Variants in PTBP3 observed in about 807,000 individuals in gnomAD.
The protein encoded by PTBP3 is polypyrimidine tract binding protein 3.
Under a neutral mutation model 58.7 loss-of-function variants are expected in PTBP3, and 20 were observed. That is an observed-to-expected ratio of 0.34 (90% CI 0.24 to 0.50). PTBP3 has a LOEUF of 0.50. Ranked by LOEUF, PTBP3 falls within the 20% of genes least tolerant of loss-of-function variation. PTBP3 has a pLI of 0.98. For missense variants in PTBP3, 509 were observed against 637.2 expected (o/e 0.80, Z 2.17); for synonymous variants, 185 against 219.8 (o/e 0.84, Z 1.40).
chr9:112,252,418 T>C (rs1589825102), intron 6 of PTBP3: 1 of 436,080 alleles, frequency 2.3e-6, no homozygotes, highest in Admixed American at 4.0e-5. Flanking sequence ...TGTTCAATTC[T>C]AGACTTTAAA....
intron 6 of PTBP3, 40 bp from the exon 7 acceptor site, chr9:112,251,143 CAA>C (rs752388914): frequency 8.4e-5 from 119 of 1,421,378 alleles, no homozygotes; most frequent in Non-Finnish European, 1.0e-4. Context: ...GGCAAGACAA[CAA>C]CACTGATAAC....
Position 112,227,552 on chromosome 9 carries a change from T to C in PTBP3, c.1223A>G (p.Gln408Arg). Residue 408 changes from glutamine to arginine, a missense_variant, in exon 12 of 14, where the codon CAG becomes CGG. Transcript: ENST00000374257. ...GTCTTCTTGTCCCTCTCGAGGAAGC[T>C]GTACTGCTTGATGTTTGGACAGTGT... ...RATLSKHQAVQLPREGQEDQG... is the reference protein window; with the variant it reads ...RATLSKHQAVRLPREGQEDQG... 6.2e-7 allele frequency: 1 copy of C among 1,614,006 alleles called. No individual in the cohort carries two copies.
At chr9:112,346,618 T>C in the PTBP3 span, among the ~76,000 whole-genome samples, 1 of 152,262 alleles carries the variant, frequency 6.6e-6, no homozygotes, top group Non-Finnish European at 1.5e-5. Context: ...GGAAAACTTT[T>C]AAGGTTTTAG....
chr9:112,297,282 C>T (rs1487714119), intron 2 of PTBP3, among the ~76,000 whole-genome samples: 1 of 152,186 alleles, frequency 6.6e-6, no homozygotes, highest in Non-Finnish European at 1.5e-5. Flanking sequence ...CGGCTCCCTG[C>T]CACCTCCGCT....
intron 1 of PTBP3, among the ~76,000 whole-genome samples, chr9:112,322,482 T>C (rs953290600): frequency 2.6e-5 from 4 of 152,178 alleles, no homozygotes; most frequent in African/African-American, 9.6e-5. Flanking sequence ...AGGACTCTAG[T>C]ATAGCAAAGG....
chr9:112,320,291 A>AT (rs1554805667), intron 1 of PTBP3, among the ~76,000 whole-genome samples: 135 of 73,496 alleles, frequency 1.8e-3, no homozygotes, highest in Middle Eastern at 8.3e-3. Flanking sequence ...AAAAAAAAAA[A>AT]ATATATATAT....
chr9:112,268,223 A>G, intron 3 of PTBP3, 28 bp from the exon 4 acceptor site: 1 of 1,588,320 alleles, frequency 6.3e-7, no homozygotes, highest in South Asian at 1.2e-5. Context: ...AGGTAAAGTT[A>G]AAGCTCATCT....
rs14255 is a variant in PTBP3 at position 112,219,098 on chromosome 9, T to G, written c.*4753A>C. The G allele has an allele frequency of 0.85, 129,444 of 152,654 alleles. 55,314 individuals are homozygous for G. Among genetic ancestry groups the G allele is most frequent in the African/African-American group, 0.95 (39,584 of 41,524 alleles). The allele number at this position is 152,654 out of a possible 1,614,324, so 9.5% of individuals were successfully genotyped here. A position where few individuals can be genotyped will look rare whatever the true frequency, so the allele number is the denominator to read the frequency against. ...GAAAGTAAAGGCCGCTCTGCACTGGTTCTTCTTTCAGAAAGGAGCTTGGGG... is the reference window on the plus strand; with the variant it reads ...GAAAGTAAAGGCCGCTCTGCACTGGGTCTTCTTTCAGAAAGGAGCTTGGGG... On this transcript the variant is annotated 3_prime_UTR_variant, in exon 14 of 14. Transcript: ENST00000374257.
At chr9:112,328,987 T>G (rs1167311553) in intron 1 of PTBP3, among the ~76,000 whole-genome samples, 1 of 152,226 alleles carries the variant, frequency 6.6e-6, no homozygotes, top group Non-Finnish European at 1.5e-5. Flanking sequence ...ATTTGAACTG[T>G]AAGTGGCTTC....
In PTBP3 at chr9:112,223,466, G is replaced by A; in HGVS notation, c.*385C>T. The A allele has an allele frequency of 1.1e-6, 1 of 914,804 alleles. No homozygotes were observed. Among genetic ancestry groups the A allele is most frequent in the Non-Finnish European group, 1.3e-6 (1 of 762,860 alleles). The allele number at this position is 914,804 out of a possible 1,614,324, so 56.7% of individuals were successfully genotyped here. On this transcript the variant is annotated 3_prime_UTR_variant, in exon 14 of 14. Transcript: ENST00000374257. Reference sequence around the variant, plus strand: ...TTACATCAAGTAATTTTAGAAGTCTGTGTTTAAATTTTTTAAAAGTACAAA... The same window carrying A: ...TTACATCAAGTAATTTTAGAAGTCTATGTTTAAATTTTTTAAAAGTACAAA...
At chr9:112,249,033 G>T (rs1338422096) in intron 7 of PTBP3, among the ~76,000 whole-genome samples, 1 of 152,188 alleles carries the variant, frequency 6.6e-6, no homozygotes, top group African/African-American at 2.4e-5. Context: ...GTCCATTTAT[G>T]TAAGGTTCTA....
chr9:112,333,613 G>T lies in PTBP3; in HGVS notation c.-195C>A. The T allele has an allele frequency of 9.6e-7, 1 of 1,040,986 alleles. No homozygotes were observed. The allele number at this position is 1,040,986 out of a possible 1,614,324, so 64.5% of individuals were successfully genotyped here. A position where few individuals can be genotyped will look rare whatever the true frequency, so the allele number is the denominator to read the frequency against. On this transcript the variant is annotated 5_prime_UTR_variant, in exon 1 of 14. Coordinates refer to ENST00000374257, the MANE Select transcript of PTBP3 (RefSeq NM_001163788.4). ...GAGCCCCGGCCGGTCCGAGGTGGAA[G>T]GAGAGTGGGAACAGGGGCGGGGACC...
In PTBP3 at chr9:112,220,480, C is replaced by G. The variant is rs115225273; in HGVS notation, c.*3371G>C. The stretch of plus-strand genomic sequence containing the variant: ...CCATGATTATCATACTAGGTGGAGC[C>G]AAAGAAGGCCTCACTGTCATAAGGG... On this transcript the variant is annotated 3_prime_UTR_variant, in exon 14 of 14. Transcript: ENST00000374257. 331 of 1,069,382 alleles carry G rather than the reference C, an allele frequency of 3.1e-4. 1 individual carries two copies. The African/African-American group carries it at 5.3e-3, about 17-fold the overall frequency. The allele number at this position is 1,069,382 out of a possible 1,614,324, so 66.2% of individuals were successfully genotyped here. A position where few individuals can be genotyped will look rare whatever the true frequency, so the allele number is the denominator to read the frequency against.
intron 1 of PTBP3, among the ~76,000 whole-genome samples, chr9:112,309,363 A>T (rs1587870890): frequency 6.6e-6 from 1 of 152,344 alleles, no homozygotes; most frequent in East Asian, 1.9e-4. Context: ...TGATATTGAT[A>T]TGGAGTTTCA....
chr9:112,342,482 C>T, the PTBP3 span, among the ~76,000 whole-genome samples: 52,377 of 152,008 alleles, frequency 0.34, 9,234 homozygotes, highest in South Asian at 0.44. Context: ...TTTGGGAGGC[C>T]GAAGTGGGCG....
At chr9:112,323,290 C>T (rs375722267) in intron 1 of PTBP3, among the ~76,000 whole-genome samples, 8 of 152,336 alleles carry the variant, frequency 5.3e-5, no homozygotes, top group African/African-American at 1.9e-4. Flanking sequence ...CAGTTAAATC[C>T]TGCCTCCTGG....
intron 2 of PTBP3, among the ~76,000 whole-genome samples, chr9:112,280,298 G>A (rs991822173): frequency 3.3e-5 from 5 of 151,958 alleles, no homozygotes; most frequent in African/African-American, 4.8e-5. Context: ...CAGGTAATGC[G>A]CCCACCTTGG....
chr9:112,244,117 C>T (rs145757022), intron 7 of PTBP3, among the ~76,000 whole-genome samples: 6 of 151,138 alleles, frequency 4.0e-5, no homozygotes, highest in East Asian at 2.0e-4. Flanking sequence ...CTAGCTAAGA[C>T]GATGAAACCC....
intron 12 of PTBP3, among the ~76,000 whole-genome samples, chr9:112,226,052 AT>A (rs1290775364): frequency 2.6e-5 from 4 of 152,030 alleles, no homozygotes; most frequent in Non-Finnish European, 4.4e-5. Context: ...TCAAAAAAAA[AT>A]ATATTAATTT....
Sources: gnomAD v4.1 joint callset for allele counts (sites outside exome capture counted in the v4.1 genomes callset) on GRCh38, gnomAD v4.1.1 for gene constraint, MANE v1.5 for transcripts, NCBI Gene and HGNC (gene_info 2026-07-23, HGNC 2026-07-21) for gene names.